SLC9A4: variants seen among roughly 807,000 people sequenced by gnomAD.
SLC9A4 encodes sodium/hydrogen exchanger 4.
Under a neutral mutation model 67.4 loss-of-function variants are expected in SLC9A4, and 63 were observed. The observed-to-expected ratio is 0.93, with a 90% CI of 0.76 to 1.15. The LOEUF (loss-of-function observed/expected upper bound fraction) is 1.15, where lower values mean the gene tolerates loss of function less well. Among genes scored for constraint, SLC9A4 ranks in the 50% most tolerant of loss-of-function variants. The pLI, the probability that SLC9A4 is intolerant of heterozygous loss-of-function variation, is 0.00. For synonymous variants in SLC9A4, 393 were observed against 367.2 expected (o/e 1.07, Z -0.80); for missense variants, 1,089 against 987.7 (o/e 1.10, Z -1.38).
At chr2:102,505,818 T>C in intron 4 of SLC9A4, 1 of 232,660 alleles carries the variant, frequency 4.3e-6, no homozygotes. Context: ...TGTTTTTGGT[T>C]CCTAAGACCA....
chr2:102,477,500 G>GTAAATCAT (rs1161723589), intron 1 of SLC9A4, among the ~76,000 whole-genome samples: 3 of 152,230 alleles, frequency 2.0e-5, no homozygotes, highest in African/African-American at 7.2e-5. Context: ...ATATGAAGAT[G>GTAAATCAT]TAAATCATTC....
At position 102,488,239 on chromosome 2, in the gene SLC9A4, G is replaced by GA. The variant is rs145663557; in HGVS notation, c.720+8945dup. On this transcript the variant is annotated intron_variant, in intron 2 of 11. Coordinates refer to ENST00000295269, the MANE Select transcript of SLC9A4 (RefSeq NM_001011552.4). ...CTGTGGGTGTGTTGGGCTGCAGTGG[G>GA]AAAAAAAACATGCCCGGTGTCACGT... 5.6e-3 allele frequency among the ~76,000 whole-genome samples: 854 copies of GA among 152,028 alleles called. 16 individuals are homozygous for GA. The highest frequency in any genetic ancestry group is 0.02 in the African/African-American group (813 of 41,420).
Position 102,533,007 on chromosome 2 carries a change from AAG to A in SLC9A4, c.*320_*321del. On this transcript the variant is annotated 3_prime_UTR_variant, in exon 12 of 12. Coordinates refer to ENST00000295269, the MANE Select transcript of SLC9A4 (RefSeq NM_001011552.4). ...GGATCCAAGCCATATATTGAAATAC[AAG>A]CGTGATTAATCAGTAATTCACATTG... is the stretch of plus-strand genomic sequence containing the variant. The A allele has an allele frequency of 4.3e-6, 1 of 231,402 alleles. No individual in the cohort carries two copies. Among genetic ancestry groups the A allele is most frequent in the Non-Finnish European group, 8.6e-6 (1 of 116,460 alleles). The allele number at this position is 231,402 out of a possible 1,614,324, so 14.3% of individuals were successfully genotyped here.
At position 102,479,183 on chromosome 2, in the gene SLC9A4, A is replaced by T; in HGVS notation, c.601A>T (p.Ser201Cys). 6.2e-7 allele frequency: 1 copy of T among 1,614,194 alleles called. No individual in the cohort carries two copies. Among genetic ancestry groups the T allele is most frequent in the Middle Eastern group, 1.6e-4 (1 of 6,062 alleles). The change falls in exon 2 of 12, where the codon AGC (serine) becomes TGC (cysteine). Residue 201 changes from serine to cysteine, a missense_variant. Ser to Cys is a moderately radical substitution (Grantham distance 112, BLOSUM62 -1). Transcript: ENST00000295269. ...CCTGCTGCAGAACCTGCTGTTCGGC[A>T]GCCTGATCTCCGCCGTGGACCCAGT... ...VNLLQNLLFGSLISAVDPVAV... is the reference protein window; with the variant it reads ...VNLLQNLLFGCLISAVDPVAV...
At chr2:102,474,765 A>G (rs1319826421) in intron 1 of SLC9A4, among the ~76,000 whole-genome samples, 4 of 152,236 alleles carry the variant, frequency 2.6e-5, no homozygotes. Flanking sequence ...AGCTTATTCT[A>G]AAGTGGAAAA....
intron 8 of SLC9A4, among the ~76,000 whole-genome samples, chr2:102,518,556 G>A (rs1685326297): frequency 6.6e-6 from 1 of 152,158 alleles, no homozygotes; most frequent in Non-Finnish European, 1.5e-5. Flanking sequence ...AACTGATTTC[G>A]ATCAGTTTAT....
chr2:102,505,319 C>A lies in SLC9A4; in HGVS notation c.1046C>A (p.Thr349Lys), dbSNP rs772744398. The A allele has an allele frequency of 6.2e-7, 1 of 1,614,218 alleles. No individual in the cohort carries two copies. Among genetic ancestry groups the A allele is most frequent in the African/African-American group, 1.3e-5 (1 of 75,058 alleles). Residue 349 changes from threonine to lysine, a missense_variant, in exon 4 of 12, where the codon ACG becomes AAG. Physicochemically the swap from Thr to Lys is moderately conservative, Grantham distance 78. Coordinates refer to ENST00000295269, the MANE Select transcript of SLC9A4 (RefSeq NM_001011552.4). The part of the protein sequence containing the change: ...VEENVSQTSY[T>K]TIKYFMKMLS... ...GAAAACGTGTCCCAGACATCATACA[C>A]GACCATCAAGTACTTCATGAAGATG... is the stretch of plus-strand genomic sequence containing the variant.
Position 102,487,669 on chromosome 2 carries a change from A to T in SLC9A4, c.720+8367A>T, listed in dbSNP as rs564201529. Among the ~76,000 whole-genome samples, 6 of 152,352 alleles carry T rather than the reference A, an allele frequency of 3.9e-5. No individual in the cohort carries two copies. In the East Asian group the frequency reaches 5.8e-4, roughly 15 times the overall value. On this transcript the variant is annotated intron_variant, in intron 2 of 11. Coordinates refer to ENST00000295269, the MANE Select transcript of SLC9A4 (RefSeq NM_001011552.4). The stretch of plus-strand genomic sequence containing the variant: ...ACAAATTGGCTTTCAACTAGACTAC[A>T]CTGTGAGCTACCTAGGAGTAATTAG...
At chr2:102,490,895 T>C (rs901660849) in intron 2 of SLC9A4, among the ~76,000 whole-genome samples, 2 of 152,224 alleles carry the variant, frequency 1.3e-5, no homozygotes, top group Admixed American at 6.5e-5. Flanking sequence ...CTTCATAATG[T>C]TTACTCAAGG....
intron 6 of SLC9A4, among the ~76,000 whole-genome samples, chr2:102,511,390 A>G (rs934910012): frequency 3.9e-5 from 6 of 152,164 alleles, no homozygotes; most frequent in African/African-American, 1.4e-4. Flanking sequence ...ACCTAAGTCC[A>G]TGGAACTTGG....
In SLC9A4 at chr2:102,508,089, T is replaced by C. The variant is rs772420061; in HGVS notation, c.1209T>C (p.Ala403=). The C allele has an allele frequency of 7.4e-6, 12 of 1,614,140 alleles. No homozygotes were observed. Among genetic ancestry groups the C allele is most frequent in the Non-Finnish European group, 1.0e-5 (12 of 1,179,990 alleles). ...CQIWRAISVF[A]LFYISNQFRT... is the part of the protein sequence containing the mutation. ...TTTCCCCCTTTCTAGGCGTATTTGC[T>C]CTCTTCTATATCAGTAACCAGTTTC... The change falls in exon 5 of 12, where the codon GCT becomes GCC. Residue 403 remains alanine (A), a synonymous_variant. Coordinates refer to ENST00000295269, the MANE Select transcript of SLC9A4 (RefSeq NM_001011552.4).
intron 10 of SLC9A4, among the ~76,000 whole-genome samples, chr2:102,525,484 C>A (rs895810801): frequency 6.6e-6 from 1 of 151,014 alleles, no homozygotes; most frequent in Non-Finnish European, 1.5e-5. Flanking sequence ...ATGGTCAGTA[C>A]CTGGTCACCA....
intron 8 of SLC9A4, among the ~76,000 whole-genome samples, chr2:102,515,416 A>AG (rs1265288808): frequency 1.0e-3 from 154 of 148,476 alleles, no homozygotes; most frequent in African/African-American, 2.9e-3. Context: ...ATAATCCCTG[A>AG]GGATATCTCA....
Position 102,514,098 on chromosome 2 carries a change from A to T in SLC9A4, c.1568A>T (p.Lys523Met). Reference sequence around the variant, plus strand: ...TTGGTTTTCATTTTTAGGTTTAAGAAGTTTGATCATAGATACTTACGGAAA... The same window carrying T: ...TTGGTTTTCATTTTTAGGTTTAAGATGTTTGATCATAGATACTTACGGAAA... ...SHYQVRDKFK[K>M]FDHRYLRKIL... is the part of the protein sequence containing the mutation. Residue 523 changes from lysine to methionine, a missense_variant, in exon 8 of 12, where the codon AAG becomes ATG. Transcript: ENST00000295269. 4.3e-6 allele frequency: 7 copies of T among 1,612,480 alleles called. No homozygotes were observed. Among genetic ancestry groups the T allele is most frequent in the Non-Finnish European group, 5.9e-6 (7 of 1,179,526 alleles).
At chr2:102,483,874 T>G (rs1684528258) in intron 2 of SLC9A4, among the ~76,000 whole-genome samples, 1 of 147,174 alleles carries the variant, frequency 6.8e-6, no homozygotes, top group African/African-American at 2.5e-5. Flanking sequence ...CATGCACATA[T>G]ATACATATAT....
In SLC9A4 at chr2:102,506,047, T is replaced by C. The variant is rs562534139; in HGVS notation, c.1198+576T>C. Among the ~76,000 whole-genome samples the C allele has an allele frequency of 7.9e-5, 12 of 152,356 alleles. 1 individual carries two copies. The South Asian group carries it at 2.1e-3, about 26-fold the overall frequency. The stretch of plus-strand genomic sequence containing the variant: ...GTTGAGTGCATGAATGTGTGATGTA[T>C]AGCAAACAAACAAATCAGAAAGTGA... On this transcript the variant is annotated intron_variant, in intron 4 of 11. Transcript: ENST00000295269.
Position 102,514,177 on chromosome 2 carries a change from G to A in SLC9A4, c.1647G>A (p.Lys549=), listed in dbSNP as rs1159031092. The change falls in exon 8 of 12, where the codon AAG becomes AAA. Residue 549 remains lysine, a synonymous_variant. Coordinates refer to ENST00000295269, the MANE Select transcript of SLC9A4 (RefSeq NM_001011552.4). ...CAAGCATTGTTTCTTTGTACAAGAA[G>A]CTGGAAATGAAGCAAGCCATCGAGA... ...PKSSIVSLYK[K]LEMKQAIEMV... is the part of the protein sequence containing the mutation. The A allele has an allele frequency of 1.2e-6, 2 of 1,613,968 alleles. No homozygotes were observed. Among genetic ancestry groups the A allele is most frequent in the Non-Finnish European group, 1.7e-6 (2 of 1,180,010 alleles).
chr2:102,483,799 C>CATAT lies in SLC9A4; in HGVS notation c.720+4537_720+4540dup, dbSNP rs61195337. Among the ~76,000 whole-genome samples, 619 of 114,102 alleles carry CATAT rather than the reference C, an allele frequency of 5.4e-3. 2 individuals carry two copies. The highest frequency in any genetic ancestry group is 0.032 in the East Asian group (90 of 2,856). 74.9% of individuals were successfully genotyped at this position (114,102 alleles called of 152,430 possible). A position where few individuals can be genotyped will look rare whatever the true frequency, so the allele number is the denominator to read the frequency against. Reference sequence around the variant, plus strand: ...TTAGTAACTATCTCACCATGTACAGCATATATATATATATATATATATATA... The same window carrying CATAT: ...TTAGTAACTATCTCACCATGTACAGCATATATATATATATATATATATATATATA... On this transcript the variant is annotated intron_variant, in intron 2 of 11. Coordinates refer to ENST00000295269, the MANE Select transcript of SLC9A4 (RefSeq NM_001011552.4).
intron 2 of SLC9A4, among the ~76,000 whole-genome samples, chr2:102,491,725 T>C (rs1258884977): frequency 6.6e-6 from 1 of 152,166 alleles, no homozygotes; most frequent in Non-Finnish European, 1.5e-5. Flanking sequence ...CCAAATCTCA[T>C]GTCCTCACAT....
Sources: allele counts gnomAD v4.1 joint callset (sites outside exome capture counted in the v4.1 genomes callset), GRCh38; gene constraint gnomAD v4.1.1; transcripts MANE v1.5; gene names NCBI Gene and HGNC (gene_info 2026-07-23, HGNC 2026-07-21).